The following GALNTL6 variants were observed in gnomAD, a reference collection of about 807,000 sequenced individuals.
GALNTL6 encodes polypeptide N-acetylgalactosaminyltransferase-like 6.
Under a neutral mutation model 73.7 loss-of-function variants are expected in GALNTL6, and 46 were observed. The observed-to-expected ratio is 0.62, with a 90% CI of 0.49 to 0.80. GALNTL6 has a LOEUF of 0.80. Ranked by LOEUF, GALNTL6 falls within the 30% of genes least tolerant of loss-of-function variation. GALNTL6 has a pLI of 0.00. For synonymous variants in GALNTL6, 259 were observed against 263.7 expected (o/e 0.98, Z 0.17); for missense variants, 604 against 755.0 (o/e 0.80, Z 2.34).
chr4:173,019,144 A>C (rs1752892178), intron 11 of GALNTL6, among the ~76,000 whole-genome samples: 2 of 152,352 alleles, frequency 1.3e-5, no homozygotes, highest in Non-Finnish European at 2.9e-5. Flanking sequence ...TAAAGACTCC[A>C]AGGTTGATAA....
intron 7 of GALNTL6, among the ~76,000 whole-genome samples, chr4:172,836,394 G>T (rs552426365): frequency 6.6e-6 from 1 of 152,162 alleles, no homozygotes; most frequent in Non-Finnish European, 1.5e-5. Flanking sequence ...GGCTGGGGAA[G>T]TTTCCTACAT....
At chr4:171,900,190 T>C (rs1259206821) in intron 2 of GALNTL6, among the ~76,000 whole-genome samples, 1 of 152,190 alleles carries the variant, frequency 6.6e-6, no homozygotes, top group African/African-American at 2.4e-5. Flanking sequence ...TTCATCGTCT[T>C]GGGTTTAAGT....
At chr4:172,227,204 A>G (rs1258178398) in intron 2 of GALNTL6, among the ~76,000 whole-genome samples, 1 of 152,132 alleles carries the variant, frequency 6.6e-6, no homozygotes, top group Admixed American at 6.5e-5. Flanking sequence ...CATCTCTTCC[A>G]GTTGATTTCA....
chr4:171,818,999 A>AT (rs143210025), intron 2 of GALNTL6, among the ~76,000 whole-genome samples: 6,336 of 149,226 alleles, frequency 0.042, 412 homozygotes, highest in African/African-American at 0.14. Flanking sequence ...TGTCTTAGGC[A>AT]TTTTTTTTTT....
chr4:172,062,562 G>T (rs1731243124), intron 2 of GALNTL6, among the ~76,000 whole-genome samples: 1 of 152,202 alleles, frequency 6.6e-6, no homozygotes, highest in South Asian at 2.1e-4. Context: ...AAAGAAGGTT[G>T]GTCGTGAATT....
chr4:172,989,666 G>C (rs1751457410), intron 10 of GALNTL6, among the ~76,000 whole-genome samples: 1 of 152,084 alleles, frequency 6.6e-6, no homozygotes, highest in Non-Finnish European at 1.5e-5. Context: ...TTCTCTCTCT[G>C]TTCTGCCTTC....
chr4:172,271,408 T>C (rs1044008168), intron 3 of GALNTL6, among the ~76,000 whole-genome samples: 2 of 152,148 alleles, frequency 1.3e-5, no homozygotes, highest in Admixed American at 6.5e-5. Flanking sequence ...CATATGGATA[T>C]GTACACACAT....
intron 2 of GALNTL6, among the ~76,000 whole-genome samples, chr4:171,991,227 G>A (rs986150625): frequency 2.0e-5 from 3 of 152,138 alleles, no homozygotes; most frequent in Non-Finnish European, 1.5e-5. Context: ...TAAGATCTAT[G>A]AGGATTAGTG....
intron 3 of GALNTL6, among the ~76,000 whole-genome samples, chr4:172,269,244 G>A (rs1233022062): frequency 6.6e-6 from 1 of 151,998 alleles, no homozygotes; most frequent in African/African-American, 2.4e-5. Flanking sequence ...TGAATCCTGT[G>A]GAATATGGAG....
At chr4:172,370,755 C>G (rs1038952961) in intron 5 of GALNTL6, among the ~76,000 whole-genome samples, 2 of 152,058 alleles carry the variant, frequency 1.3e-5, no homozygotes, top group African/African-American at 2.4e-5. Context: ...CACTCTTCCC[C>G]TAAGAAGGTA....
chr4:172,456,745 C>T (rs369548890), intron 5 of GALNTL6, among the ~76,000 whole-genome samples: 117 of 152,090 alleles, frequency 7.7e-4, no homozygotes, highest in African/African-American at 2.4e-3. Flanking sequence ...CTGAAAGTGA[C>T]GGGGAGAATG....
At chr4:172,735,710 T>C (rs530432831) in intron 5 of GALNTL6, among the ~76,000 whole-genome samples, 3 of 152,256 alleles carry the variant, frequency 2.0e-5, no homozygotes, top group East Asian at 3.9e-4. Context: ...ATAATTTCCA[T>C]TGTTGTGAGA....
At chr4:172,785,233 A>G (rs1186065689) in intron 5 of GALNTL6, among the ~76,000 whole-genome samples, 4 of 152,188 alleles carry the variant, frequency 2.6e-5, no homozygotes, top group Admixed American at 1.3e-4. Flanking sequence ...TGGAAAGGTC[A>G]TAATACTTTT....
intron 5 of GALNTL6, among the ~76,000 whole-genome samples, chr4:172,771,428 C>T (rs1738753303): frequency 6.6e-6 from 1 of 152,158 alleles, no homozygotes; most frequent in Admixed American, 6.5e-5. Flanking sequence ...TGATATCACT[C>T]CTGAGTCCAC....
chr4:172,171,376 T>C (rs182418153), intron 2 of GALNTL6, among the ~76,000 whole-genome samples: 5 of 152,252 alleles, frequency 3.3e-5, no homozygotes, highest in African/African-American at 1.2e-4. Context: ...AAAAATATAA[T>C]TTCACGTGAC....
intron 2 of GALNTL6, among the ~76,000 whole-genome samples, chr4:172,197,183 T>C (rs1006616232): frequency 6.6e-6 from 1 of 152,142 alleles, no homozygotes; most frequent in Admixed American, 6.5e-5. Flanking sequence ...TGAACTTTCA[T>C]GTACAATTGC....
chr4:172,574,765 G>A lies in GALNTL6; in HGVS notation c.553+226076G>A, dbSNP rs1030805685. On this transcript the variant is annotated intron_variant, in intron 5 of 12. Coordinates refer to ENST00000506823, the MANE Select transcript of GALNTL6 (RefSeq NM_001034845.3). Reference sequence around the variant, plus strand: ...ATATAAATTATAGCTGAATACCAGGGATAATAGGGTCTAAATATATATAAT... The same window carrying A: ...ATATAAATTATAGCTGAATACCAGGAATAATAGGGTCTAAATATATATAAT... Among the ~76,000 whole-genome samples the A allele has an allele frequency of 2.6e-5, 4 of 152,024 alleles. No individual in the cohort carries two copies. The Middle Eastern group carries it at 0.014, about 517-fold the overall frequency.
At chr4:172,776,643 GA>G (rs1328786027) in intron 5 of GALNTL6, among the ~76,000 whole-genome samples, 2 of 151,908 alleles carry the variant, frequency 1.3e-5, no homozygotes, top group African/African-American at 2.4e-5. Context: ...TGAGTGGACA[GA>G]AAAAAAATAA....
intron 5 of GALNTL6, among the ~76,000 whole-genome samples, chr4:172,629,361 G>A (rs187429401): frequency 5.9e-5 from 9 of 152,136 alleles, no homozygotes; most frequent in Admixed American, 2.6e-4. Flanking sequence ...AACAAATTTT[G>A]TTAGTCTTAT....
Sources: gnomAD v4.1 joint callset for allele counts (sites outside exome capture counted in the v4.1 genomes callset) on GRCh38, gnomAD v4.1.1 for gene constraint, MANE v1.5 for transcripts, NCBI Gene and HGNC (gene_info 2026-07-23, HGNC 2026-07-21) for gene names.